The following NAA35 variants were observed in gnomAD, a reference collection of about 807,000 sequenced individuals.
The protein encoded by NAA35 is MAK10 homolog, amino-acid N-acetyltransferase subunit.
Under a neutral mutation model 101.7 loss-of-function variants are expected in NAA35, and 18 were observed. That is an observed-to-expected ratio of 0.18 (90% CI 0.12 to 0.26). NAA35 has a LOEUF of 0.26. Ranked by LOEUF, NAA35 falls within the 10% of genes least tolerant of loss-of-function variation. The pLI, the probability that NAA35 is intolerant of heterozygous loss-of-function variation, is 1.00. For synonymous variants in NAA35, 267 were observed against 273.1 expected (o/e 0.98, Z 0.22); for missense variants, 601 against 886.8 (o/e 0.68, Z 4.09).
intron 6 of NAA35, among the ~76,000 whole-genome samples, chr9:85,969,141 T>C (rs1829889207): frequency 6.6e-6 from 1 of 152,150 alleles, no homozygotes; most frequent in Non-Finnish European, 1.5e-5. Context: ...TCCAGGAATT[T>C]CATTGTTTTG....
At chr9:85,973,989 C>T (rs558986722) in intron 6 of NAA35, among the ~76,000 whole-genome samples, 23 of 151,986 alleles carry the variant, frequency 1.5e-4, no homozygotes, top group African/African-American at 5.3e-4. Flanking sequence ...CAGAGTCTCA[C>T]TCTGTCGCCC....
chr9:86,010,288 A>G (rs1230809179), intron 15 of NAA35, among the ~76,000 whole-genome samples: 5 of 151,980 alleles, frequency 3.3e-5, no homozygotes, highest in Admixed American at 1.3e-4. Context: ...CTGGACTGCA[A>G]TTCCTTCAGT....
chr9:85,975,253 T>C (rs1830160405), intron 8 of NAA35, 96 bp downstream of exon 8: 4 of 1,224,368 alleles, frequency 3.3e-6, no homozygotes, highest in Admixed American at 4.7e-5. Context: ...ACCTTTCTCC[T>C]GTATGTGCTT....
intron 11 of NAA35, among the ~76,000 whole-genome samples, chr9:85,989,479 AAAC>A (rs1472188507): frequency 6.8e-6 from 1 of 146,858 alleles, no homozygotes; most frequent in Non-Finnish European, 1.5e-5. Flanking sequence ...AAAAAACAAA[AAAC>A]AAACAAACAA....
Position 86,018,458 on chromosome 9 carries a change from G to A in NAA35, c.1914+63G>A, listed in dbSNP as rs137954835. 3.2e-4 allele frequency: 487 copies of A among 1,525,540 alleles called. 5 individuals carry two copies. In the East Asian group the frequency reaches 0.011, roughly 33 times the overall value. 94.5% of individuals were successfully genotyped at this position (1,525,540 alleles called of 1,614,324 possible). A position where few individuals can be genotyped will look rare whatever the true frequency, so the allele number is the denominator to read the frequency against. Reference sequence around the variant, plus strand: ...TCTTAGACCTTCTTAGAGAGATGCTGTTTGTACCTAGCCATCTTGTTACAT... The same window carrying A: ...TCTTAGACCTTCTTAGAGAGATGCTATTTGTACCTAGCCATCTTGTTACAT... On this transcript the variant is annotated intron_variant, in intron 20 of 22. Coordinates refer to ENST00000361671, the MANE Select transcript of NAA35 (RefSeq NM_024635.4).
chr9:85,995,986 G>A (rs956073245), intron 11 of NAA35, among the ~76,000 whole-genome samples: 7 of 152,148 alleles, frequency 4.6e-5, no homozygotes, highest in African/African-American at 1.7e-4. Context: ...GGATTCTACT[G>A]TTTAGTAATT....
chr9:85,953,650 A>C (rs757367909), intron 2 of NAA35, among the ~76,000 whole-genome samples: 25 of 151,782 alleles, frequency 1.6e-4, no homozygotes, highest in Non-Finnish European at 3.4e-4. Flanking sequence ...GCTGGTCTTG[A>C]ACTCCTGACC....
chr9:85,992,852 G>C (rs917925366), intron 11 of NAA35, among the ~76,000 whole-genome samples: 3 of 152,184 alleles, frequency 2.0e-5, no homozygotes, highest in Non-Finnish European at 4.4e-5. Flanking sequence ...GCTGTATTGT[G>C]ATTATGTAAG....
chr9:85,961,069 A>G (rs150143686), intron 5 of NAA35, among the ~76,000 whole-genome samples: 5 of 152,320 alleles, frequency 3.3e-5, no homozygotes, highest in African/African-American at 7.2e-5. Context: ...GATTTTTGCC[A>G]AAGTTGAGGA....
rs1474521915 is a variant in NAA35 at position 85,976,716 on chromosome 9, A to G, written c.659A>G (p.Asp220Gly). Reference protein sequence around the residue: ...STRSRQGEERDPEVELEHQQC... With the variant: ...STRSRQGEERGPEVELEHQQC... ...CGAAGTCGACAAGGAGAAGAAAGAG[A>G]TCCAGAAGTTGAACTAGAAGTAATT... The change falls in exon 9 of 23, where the codon GAT becomes GGT. Residue 220 changes from aspartate to glycine, a missense_variant. Coordinates refer to ENST00000361671, the MANE Select transcript of NAA35 (RefSeq NM_024635.4). 5 of 1,597,004 alleles carry G rather than the reference A, an allele frequency of 3.1e-6. No individual in the cohort carries two copies. Among genetic ancestry groups the G allele is most frequent in the Middle Eastern group, 3.3e-4 (2 of 6,030 alleles).
intron 12 of NAA35, among the ~76,000 whole-genome samples, chr9:85,997,923 T>C (rs1435383697): frequency 6.6e-6 from 1 of 152,014 alleles, no homozygotes; most frequent in East Asian, 1.9e-4. Context: ...TTTTTTTGTT[T>C]GTTTGTTTTG....
At chr9:86,016,128 T>A (rs530017014) in intron 17 of NAA35, among the ~76,000 whole-genome samples, 1 of 149,392 alleles carries the variant, frequency 6.7e-6, no homozygotes, top group South Asian at 2.1e-4. Flanking sequence ...TTTCATTTAT[T>A]AAATAAACTC....
intron 21 of NAA35, 67 bp downstream of exon 21, chr9:86,018,888 T>C: frequency 6.4e-7 from 1 of 1,563,330 alleles, no homozygotes; most frequent in Non-Finnish European, 8.7e-7. Context: ...TACTGCTGGA[T>C]GAAAGTTAAT....
intron 11 of NAA35, among the ~76,000 whole-genome samples, chr9:85,983,148 T>C (rs1830501971): frequency 6.6e-6 from 1 of 152,218 alleles, no homozygotes. Context: ...AGAGGGATTC[T>C]GTACTTGAGG....
In NAA35 at chr9:86,013,726, A is replaced by G. The variant is rs760431639; in HGVS notation, c.1397A>G (p.Lys466Arg). 1 of 1,612,780 alleles carries G rather than the reference A, an allele frequency of 6.2e-7. No individual in the cohort carries two copies. The highest frequency in any genetic ancestry group is 8.5e-7 in the Non-Finnish European group (1 of 1,179,062). The change falls in exon 17 of 23, where the codon AAG becomes AGG. Residue 466 changes from lysine to arginine, a missense_variant. This residue lies in a region of NAA35 where 99 missense variants were observed against 206.7 expected (regional missense o/e 0.48). Coordinates refer to ENST00000361671, the MANE Select transcript of NAA35 (RefSeq NM_024635.4). ...GACATTTTATTTTAATAGGCAGAGA[A>G]GGTTGATGCAGCGCTTCACACCATG... ...EFATLQDEAEKVDAALHTMLL... is the reference protein window; with the variant it reads ...EFATLQDEAERVDAALHTMLL...
At chr9:85,956,602 CTG>C (rs990245029) in intron 3 of NAA35, among the ~76,000 whole-genome samples, 1 of 152,098 alleles carries the variant, frequency 6.6e-6, no homozygotes, top group Non-Finnish European at 1.5e-5. Context: ...CCTAGGGAAA[CTG>C]TAACTTATGG....
intron 3 of NAA35, 83 bp downstream of exon 3, chr9:85,956,476 GT>G: frequency 1.4e-6 from 1 of 726,002 alleles, no homozygotes; most frequent in South Asian, 2.8e-5. Context: ...ATTCCCTGAA[GT>G]TTGAGTAAAT....
At chr9:86,003,881 T>C (rs1387839932) in intron 13 of NAA35, among the ~76,000 whole-genome samples, 1 of 152,154 alleles carries the variant, frequency 6.6e-6, no homozygotes, top group Non-Finnish European at 1.5e-5. Context: ...AAAGTATCTT[T>C]CTTATCATTT....
rs371188619 is a variant in NAA35 at position 86,021,996 on chromosome 9, C to G, written c.*36C>G. ...GGAGGTGGCCATAAAGGGGCAGAGT[C>G]TTCTTTCAGACCCAACTCTTAGAGG... On this transcript the variant is annotated 3_prime_UTR_variant, in exon 23 of 23. Transcript: ENST00000361671. 377 of 1,549,768 alleles carry G rather than the reference C, an allele frequency of 2.4e-4. 1 individual carries two copies. The highest frequency in any genetic ancestry group is 1.0e-3 in the Middle Eastern group (6 of 5,958).
Sources: allele counts gnomAD v4.1 joint callset (sites outside exome capture counted in the v4.1 genomes callset), GRCh38; gene constraint gnomAD v4.1.1; regional missense constraint gnomAD v4.1.1; transcripts MANE v1.5; gene names NCBI Gene and HGNC (gene_info 2026-07-23, HGNC 2026-07-21).